ZNF518A: variants seen among roughly 807,000 people sequenced by gnomAD.
The protein encoded by ZNF518A is zinc finger protein 518A, also known as zinc finger protein 518.
ZNF518A carries 47 observed loss-of-function variants against 102.7 expected under a neutral mutation model. The ratio of observed to expected loss-of-function variants is 0.46; its 90% confidence interval spans 0.36 to 0.58. ZNF518A has a LOEUF of 0.58. Ranked by LOEUF, ZNF518A falls within the 20% of genes least tolerant of loss-of-function variation. ZNF518A has a pLI of 0.00. For missense variants in ZNF518A, 1,793 were observed against 1,699.8 expected, an observed-to-expected ratio of 1.05 and a Z score of -0.96; for synonymous variants, 652 against 594.6, an observed-to-expected ratio of 1.10 and a Z score of -1.40.
At chr10:96,185,709 A>T (rs587759154) in intron 1 of ZNF518A, among the ~76,000 whole-genome samples, 1 of 152,276 alleles carries the variant, frequency 6.6e-6, no homozygotes, top group South Asian at 2.1e-4. Flanking sequence ...ACCCGGCTGT[A>T]TGAGGTGTCA....
At chr10:96,147,784 G>C (rs74151272) in intron 3 of ZNF518A, among the ~76,000 whole-genome samples, 1,849 of 152,090 alleles carry the variant, frequency 0.012, 14 homozygotes, top group Non-Finnish European at 0.021. Flanking sequence ...ATATGCCTGC[G>C]TACCTTACAC....
Position 96,159,916 on chromosome 10 carries a change from T to C in ZNF518A, c.3594T>C (p.Asp1198=), listed in dbSNP as rs782602046. ...ESRDALPFLL[D]DLMPANEIVI... Reference sequence around the variant, plus strand: ...GAGATGCCTTACCCTTCTTACTAGATGACTTAATGCCAGCAAATGAAATTG... The same window carrying C: ...GAGATGCCTTACCCTTCTTACTAGACGACTTAATGCCAGCAAATGAAATTG... Residue 1198 remains aspartate, a synonymous_variant, in exon 6 of 6, where the codon GAT becomes GAC. Coordinates refer to ENST00000316045, the MANE Select transcript of ZNF518A (RefSeq NM_001330736.2). 1.2e-6 allele frequency: 2 copies of C among 1,613,534 alleles called. No homozygotes were observed. Among genetic ancestry groups the C allele is most frequent in the Non-Finnish European group, 1.7e-6 (2 of 1,179,712 alleles).
chr10:96,147,546 T>G (rs1308642489), intron 3 of ZNF518A, among the ~76,000 whole-genome samples: 1 of 152,180 alleles, frequency 6.6e-6, no homozygotes, highest in Non-Finnish European at 1.5e-5. Flanking sequence ...ATTTTGAGAT[T>G]TTGCATGTCT....
intron 1 of ZNF518A, among the ~76,000 whole-genome samples, chr10:96,186,231 C>A (rs2083271088): frequency 6.6e-6 from 1 of 152,154 alleles, no homozygotes; most frequent in Non-Finnish European, 1.5e-5. Flanking sequence ...GGCTGCACTC[C>A]AACCAGTCGC....
intron 1 of ZNF518A, chr10:96,189,333 A>G: frequency 3.7e-6 from 2 of 536,508 alleles, no homozygotes; most frequent in Non-Finnish European, 7.1e-6. Flanking sequence ...AGATGGAAAA[A>G]TGTTAACAAA....
At chr10:96,138,050 G>A (rs587712746) in intron 3 of ZNF518A, among the ~76,000 whole-genome samples, 1 of 152,148 alleles carries the variant, frequency 6.6e-6, no homozygotes, top group East Asian at 1.9e-4. Flanking sequence ...AGCATATCAG[G>A]ATATCTTGTA....
At chr10:96,198,541 G>A (rs1265470494) in intron 1 of ZNF518A, among the ~76,000 whole-genome samples, 3 of 152,156 alleles carry the variant, frequency 2.0e-5, no homozygotes, top group Non-Finnish European at 2.9e-5. Flanking sequence ...TTACATAGAA[G>A]GGCAAGAAAG....
At chr10:96,150,120 C>T (rs1256415241) in intron 3 of ZNF518A, among the ~76,000 whole-genome samples, 2 of 149,202 alleles carry the variant, frequency 1.3e-5, no homozygotes, top group African/African-American at 5.0e-5. Flanking sequence ...GTCAGGAGAT[C>T]GAGACCATCC....
chr10:96,176,148 C>T (rs1027005283), intron 1 of ZNF518A, among the ~76,000 whole-genome samples: 7 of 151,986 alleles, frequency 4.6e-5, no homozygotes, highest in African/African-American at 1.5e-4. Flanking sequence ...CCAGGCTGGT[C>T]TCAGACTCCT....
intron 1 of ZNF518A, among the ~76,000 whole-genome samples, chr10:96,173,477 A>G (rs1343557056): frequency 6.6e-6 from 1 of 152,196 alleles, no homozygotes; most frequent in East Asian, 1.9e-4. Context: ...AATACCATAG[A>G]CTGAGGGGAT....
At chr10:96,137,602 C>T (rs1554875003) in intron 3 of ZNF518A, among the ~76,000 whole-genome samples, 1 of 152,212 alleles carries the variant, frequency 6.6e-6, no homozygotes, top group Non-Finnish European at 1.5e-5. Flanking sequence ...TTGAGGATAC[C>T]ACATTCTTGA....
chr10:96,153,780 T>C (rs7896077), intron 3 of ZNF518A, among the ~76,000 whole-genome samples: 56,465 of 152,048 alleles, frequency 0.37, 11,874 homozygotes, highest in Middle Eastern at 0.55. Context: ...ACAGAAGAGG[T>C]GTCAAATGTG....
intron 1 of ZNF518A, among the ~76,000 whole-genome samples, chr10:96,188,108 C>T (rs1554892812): frequency 6.6e-6 from 1 of 152,160 alleles, no homozygotes; most frequent in African/African-American, 2.4e-5. Flanking sequence ...CTTCGGCCTG[C>T]CAAACTACTG....
intron 1 of ZNF518A, among the ~76,000 whole-genome samples, chr10:96,131,000 A>G (rs1247195195): frequency 3.3e-5 from 5 of 152,258 alleles, no homozygotes; most frequent in African/African-American, 1.2e-4. Flanking sequence ...AGAATACAAC[A>G]GTTAAGACTC....
chr10:96,200,618 A>G lies in ZNF518A; in HGVS notation n.36-2956A>G, dbSNP rs936300952. 6.6e-6 allele frequency among the ~76,000 whole-genome samples: 1 copy of G among 152,380 alleles called. No homozygotes were observed. The highest frequency in any genetic ancestry group is 2.1e-4 in the South Asian group (1 of 4,830). The stretch of plus-strand genomic sequence containing the variant: ...CTTAGAAAGACTTGCCCAAGGGCAC[A>G]CAGAGTCCTTTCTCTGTCCCTTTAT... On this transcript the variant is annotated intron_variant and non_coding_transcript_variant, in intron 1 of 2. Coordinates refer to the ZNF518A transcript ENST00000442635. The surrounding 1 kb of genome is among the most constrained non-coding windows in gnomAD (Gnocchi z 4.3).
At position 96,160,920 on chromosome 10, in the gene ZNF518A, T is replaced by A; in HGVS notation, c.*146T>A. The A allele has an allele frequency of 1.1e-6, 1 of 880,344 alleles. No homozygotes were observed. The highest frequency in any genetic ancestry group is 1.6e-6 in the Non-Finnish European group (1 of 626,312). The allele number at this position is 880,344 out of a possible 1,614,324, so 54.5% of individuals were successfully genotyped here. On this transcript the variant is annotated 3_prime_UTR_variant, in exon 6 of 6. Coordinates refer to ENST00000316045, the MANE Select transcript of ZNF518A (RefSeq NM_001330736.2). ...AGTTGATTGTATTTCTGTGGAAGAG[T>A]AAAAGTTGTATGTATGATATTTGAA...
downstream of ZNF518A, among the ~76,000 whole-genome samples, chr10:96,167,320 G>C (rs1266122597): frequency 1.3e-5 from 2 of 152,102 alleles, no homozygotes; most frequent in Non-Finnish European, 2.9e-5. Flanking sequence ...GGCCAAGCGT[G>C]GTGGGCGCCT....
downstream of ZNF518A, among the ~76,000 whole-genome samples, chr10:96,165,476 A>C (rs200210502): frequency 0.035 from 4,973 of 140,274 alleles, 283 homozygotes; most frequent in East Asian, 0.26. Flanking sequence ...CAACCAAAAA[A>C]AAAAAAAAAA....
At chr10:96,176,849 A>G (rs2083207497) in intron 1 of ZNF518A, among the ~76,000 whole-genome samples, 1 of 152,196 alleles carries the variant, frequency 6.6e-6, no homozygotes, top group African/African-American at 2.4e-5. Flanking sequence ...GTGAGCTGAG[A>G]TCGTGCCACT....
Sources: allele counts gnomAD v4.1 joint callset (sites outside exome capture counted in the v4.1 genomes callset), GRCh38; gene constraint gnomAD v4.1.1; non-coding constraint Gnocchi (gnomAD v3.1); transcripts MANE v1.5; gene names NCBI Gene and HGNC (gene_info 2026-07-23, HGNC 2026-07-21).